The following SETD1A variants were observed in gnomAD, a reference collection of about 807,000 sequenced individuals.
SETD1A encodes the protein SET domain containing 1A, histone lysine methyltransferase, also known as histone-lysine N-methyltransferase SETD1A.
SETD1A carries 29 observed loss-of-function variants against 149.9 expected under a neutral mutation model. The ratio of observed to expected loss-of-function variants is 0.19; its 90% CI spans 0.14 to 0.26. The LOEUF (loss-of-function observed/expected upper bound fraction) is 0.26, where lower values mean the gene tolerates loss of function less well. Ranked by LOEUF, SETD1A falls within the 10% of genes least tolerant of loss-of-function variation. The pLI is 1.00. For missense variants in SETD1A, 2,109 were observed against 2,353.1 expected (o/e 0.90, Z 2.15); for synonymous variants, 1,141 against 968.5 (o/e 1.18, Z -3.31).
At chr16:30,958,916 G>A in intron 2 of SETD1A, 35 bp downstream of exon 2, 1 of 1,611,752 alleles carries the variant, frequency 6.2e-7, no homozygotes, top group Non-Finnish European at 8.5e-7. Flanking sequence ...CATCCGGGGA[G>A]CTCCAGGCGC....
Position 30,965,131 on chromosome 16 carries a change from C to A in SETD1A, c.1389C>A (p.Ala463=), listed in dbSNP as rs760758536. The change falls in exon 7 of 19, where the codon GCC becomes GCA. Residue 463 remains alanine, a synonymous_variant. Transcript: ENST00000262519. ...REEVRTSPRP[A]SPARSGSPAP... is the part of the protein sequence containing the mutation. ...AAGTTCGGACTTCCCCCCGCCCAGC[C>A]TCCCCTGCCCGCTCTGGCTCCCCAG... is the stretch of plus-strand genomic sequence containing the variant. The A allele has an allele frequency of 6.2e-7, 1 of 1,612,778 alleles. No homozygotes were observed. Among genetic ancestry groups the A allele is most frequent in the Non-Finnish European group, 8.5e-7 (1 of 1,179,934 alleles).
intron 9 of SETD1A, 134 bp downstream of exon 9, chr16:30,967,194 C>T (rs935122681): frequency 7.1e-6 from 5 of 706,310 alleles, no homozygotes; most frequent in African/African-American, 1.8e-5. Flanking sequence ...TACTCTGTTG[C>T]CCAGGCTGGA....
Position 30,969,641 on chromosome 16 carries a change from C to T in SETD1A, c.2968C>T (p.Arg990Ter), listed in dbSNP as rs61744449. The change falls in exon 12 of 19, where the codon CGA becomes TGA. Residue 990 changes from arginine to a stop codon, truncating the protein, a stop_gained. Transcript: ENST00000262519. LOFTEE classifies it high-confidence loss of function. ...CGAGGAAGATGAGGAAGATGAAGAT[C>T]GAGAGGAAGCTGTGGATACCACAAA... ...DDEEDEEDED[R>*]EEAVDTTKKE... is the part of the protein sequence containing the mutation. 6.2e-7 allele frequency: 1 copy of T among 1,614,066 alleles called. No individual in the cohort carries two copies. The highest frequency in any genetic ancestry group is 8.5e-7 in the Non-Finnish European group (1 of 1,179,996).
chr16:30,981,047 C>G lies in SETD1A; in HGVS notation c.4693-14C>G. ...GGAGGTGTCTGGCAGTTGAGTCTCC[C>G]TTCTGCCCCCCAGTTCCGGAAGAAG... On this transcript the variant is annotated splice_polypyrimidine_tract_variant and intron_variant, in intron 16 of 18. Transcript: ENST00000262519. 6.2e-7 allele frequency: 1 copy of G among 1,613,908 alleles called. No homozygotes were observed. Among genetic ancestry groups the G allele is most frequent in the Non-Finnish European group, 8.5e-7 (1 of 1,179,854 alleles).
Position 30,980,663 on chromosome 16 carries a change from C to T in SETD1A, c.4581+6C>T. On this transcript the variant is annotated splice_donor_region_variant and intron_variant, in intron 15 of 18. Coordinates refer to ENST00000262519, the MANE Select transcript of SETD1A (RefSeq NM_014712.3). The surrounding 1 kb of genome is among the most constrained non-coding windows in gnomAD (Gnocchi z 7.7). Reference sequence around the variant, plus strand: ...TGGAGGGCGTGGACACTCAGGTGGGCCTAACCCCGCCGCCGCGTCCTCCTG... The same window carrying T: ...TGGAGGGCGTGGACACTCAGGTGGGTCTAACCCCGCCGCCGCGTCCTCCTG... 6.2e-7 allele frequency: 1 copy of T among 1,610,580 alleles called. No homozygotes were observed. Among genetic ancestry groups the T allele is most frequent in the Non-Finnish European group, 8.5e-7 (1 of 1,179,106 alleles).
At chr16:30,959,220 C>G (rs1278648566) in intron 3 of SETD1A, 34 bp downstream of exon 3, 3 of 1,364,322 alleles carry the variant, frequency 2.2e-6, no homozygotes, top group Admixed American at 1.7e-5. Context: ...TGTGGTAGTC[C>G]TAAGAGGGTG....
At chr16:30,981,204 C>T (rs761231708) in intron 17 of SETD1A, 24 bp downstream of exon 17, 5 of 1,613,028 alleles carry the variant, frequency 3.1e-6, no homozygotes, top group Admixed American at 1.7e-5. Flanking sequence ...CCCAGCCCCG[C>T]CCCGGCTTCT....
intron 13 of SETD1A, 63 bp from the exon 14 acceptor site, chr16:30,979,082 G>A (rs1469310599): frequency 6.8e-6 from 10 of 1,463,092 alleles, no homozygotes; most frequent in East Asian, 2.5e-5. Flanking sequence ...GGTCATGGGC[G>A]GCCAGGGTGG....
In SETD1A at chr16:30,969,628, G is replaced by A. The variant is rs1257608466; in HGVS notation, c.2955G>A (p.Glu985=). ...ATGAGGAGGATGACGAGGAAGATGAGGAAGATGAAGATCGAGAGGAAGCTG... is the reference window on the plus strand; with the variant it reads ...ATGAGGAGGATGACGAGGAAGATGAAGAAGATGAAGATCGAGAGGAAGCTG... ...EKDEEDDEED[E]EDEDREEAVD... Residue 985 remains glutamate, a synonymous_variant, in exon 12 of 19, where the codon GAG becomes GAA. Transcript: ENST00000262519. The A allele has an allele frequency of 1.9e-6, 3 of 1,614,088 alleles. No homozygotes were observed. Among genetic ancestry groups the A allele is most frequent in the South Asian group, 1.1e-5 (1 of 91,086 alleles).
chr16:30,965,438 C>T lies in SETD1A; in HGVS notation c.1696C>T (p.Pro566Ser), dbSNP rs2056127137. 6.3e-7 allele frequency: 1 copy of T among 1,599,814 alleles called. No homozygotes were observed. Among genetic ancestry groups the T allele is most frequent in the Non-Finnish European group, 8.5e-7 (1 of 1,169,700 alleles). Residue 566 changes from proline to serine, a missense_variant, in exon 7 of 19, where the codon CCC (proline) becomes TCC (serine). Physicochemically the swap from Pro to Ser is moderately conservative, Grantham distance 74. Coordinates refer to ENST00000262519, the MANE Select transcript of SETD1A (RefSeq NM_014712.3). Reference sequence around the variant, plus strand: ...GGAGCCAGGGGCTACCCGGGAGTCTCCCAAGGCAAATGGACAGAACCAGGT... The same window carrying T: ...GGAGCCAGGGGCTACCCGGGAGTCTTCCAAGGCAAATGGACAGAACCAGGT... ...SGEPGATRES[P>S]KANGQNQASP...
At position 30,959,093 on chromosome 16, in the gene SETD1A, C is replaced by T. The variant is rs752562854; in HGVS notation, c.153C>T (p.Asp51=). The change falls in exon 3 of 19, where the codon GAC becomes GAT. Residue 51 remains aspartate, a splice_region_variant and synonymous_variant. Transcript: ENST00000262519. Reference sequence around the variant, plus strand: ...TCTGCTGCTGCTTTCCTTCCTAGGACTCAAAGTATATACCAGTCGAAGACC... The same window carrying T: ...TCTGCTGCTGCTTTCCTTCCTAGGATTCAAAGTATATACCAGTCGAAGACC... The part of the protein sequence containing the change: ...RYDGVHFSVN[D]SKYIPVEDLQ... 3 of 1,610,438 alleles carry T rather than the reference C, an allele frequency of 1.9e-6. No homozygotes were observed. The Admixed American group carries it at 5.0e-5, about 27-fold the overall frequency.
chr16:30,963,100 TC>T (rs2056076368), intron 4 of SETD1A, among the ~76,000 whole-genome samples: 1 of 152,200 alleles, frequency 6.6e-6, no homozygotes, highest in South Asian at 2.1e-4. Flanking sequence ...TTCCAATTTT[TC>T]CAATGACCAA....
chr16:30,960,207 C>T (rs936588431), intron 3 of SETD1A, among the ~76,000 whole-genome samples: 1 of 152,180 alleles, frequency 6.6e-6, no homozygotes, highest in Admixed American at 6.5e-5. Flanking sequence ...TCATTTGTCT[C>T]TTTGGCTTCA....
In SETD1A at chr16:30,984,157, G is replaced by C; in HGVS notation, c.*134G>C. ...CCAAGCGTGGGGTTGGGGGCCCCAA[G>C]CCCAGCGAGGGAGCCTCAGTCCCTG... On this transcript the variant is annotated 3_prime_UTR_variant, in exon 19 of 19. Coordinates refer to ENST00000262519, the MANE Select transcript of SETD1A (RefSeq NM_014712.3). 1.3e-6 allele frequency: 1 copy of C among 751,506 alleles called. No homozygotes were observed. Among genetic ancestry groups the C allele is most frequent in the Non-Finnish European group, 2.1e-6 (1 of 480,008 alleles). The allele number at this position is 751,506 out of a possible 1,614,324, so 46.6% of individuals were successfully genotyped here.
Position 30,964,936 on chromosome 16 carries a change from T to C in SETD1A, c.1194T>C (p.Ala398=). 1.9e-6 allele frequency: 3 copies of C among 1,614,022 alleles called. No homozygotes were observed. The highest frequency in any genetic ancestry group is 1.7e-6 in the Non-Finnish European group (2 of 1,179,872). ...TREEPPGAPF[A]ENTAERFPPS... ...AGGAACCCCCTGGAGCCCCTTTTGC[T>C]GAAAATACAGCTGAGCGCTTCCCAC... The change falls in exon 7 of 19, where the codon GCT becomes GCC. Residue 398 remains alanine, a synonymous_variant. Transcript: ENST00000262519.
Position 30,984,246 on chromosome 16 carries a change from G to A in SETD1A, c.*223G>A, listed in dbSNP as rs1465588735. ...CCCCCTGATTGTTTTTCTTTGCGGA[G>A]AAGAAGCTGTAAATGTTTTGTAGCA... On this transcript the variant is annotated 3_prime_UTR_variant, in exon 19 of 19. Transcript: ENST00000262519. 1 of 563,180 alleles carries A rather than the reference G, an allele frequency of 1.8e-6. No individual in the cohort carries two copies. Among genetic ancestry groups the A allele is most frequent in the Admixed American group, 3.3e-5 (1 of 30,606 alleles). The allele number at this position is 563,180 out of a possible 1,614,324, so 34.9% of individuals were successfully genotyped here.
chr16:30,984,230 T>G lies in SETD1A; in HGVS notation c.*207T>G. On this transcript the variant is annotated 3_prime_UTR_variant, in exon 19 of 19. Coordinates refer to ENST00000262519, the MANE Select transcript of SETD1A (RefSeq NM_014712.3). Reference sequence around the variant, plus strand: ...TCACCCCTGCCCACCACCCCCTGATTGTTTTTCTTTGCGGAGAAGAAGCTG... The same window carrying G: ...TCACCCCTGCCCACCACCCCCTGATGGTTTTTCTTTGCGGAGAAGAAGCTG... 1 of 571,562 alleles carries G rather than the reference T, an allele frequency of 1.7e-6. No homozygotes were observed. The highest frequency in any genetic ancestry group is 3.1e-6 in the Non-Finnish European group (1 of 321,410). 35.4% of individuals were successfully genotyped at this position (571,562 alleles called of 1,614,324 possible).
Position 30,965,919 on chromosome 16 carries a change from T to A in SETD1A, c.2038T>A (p.Phe680Ile), listed in dbSNP as rs1286354194. The A allele has an allele frequency of 6.2e-7, 1 of 1,612,266 alleles. No homozygotes were observed. Reference sequence around the variant, plus strand: ...TCAGTGGGGAGGGATGCCCATGTCCTTCCAGATGCAGACCCAGATGTTAAC... The same window carrying A: ...TCAGTGGGGAGGGATGCCCATGTCCATCCAGATGCAGACCCAGATGTTAAC... ...GAQWGGMPMS[F>I]QMQTQMLTRL... is the part of the protein sequence containing the mutation. The change falls in exon 8 of 19, where the codon TTC (phenylalanine) becomes ATC (isoleucine). Residue 680 changes from phenylalanine (F) to isoleucine (I), a missense_variant. By Grantham distance (21) the Phe-to-Ile change is conservative (BLOSUM62 0). Around this residue, in one of 8 missense-constraint regions of SETD1A, gnomAD observed 431 missense variants for 388.6 expected, o/e 1.11. Transcript: ENST00000262519.
intron 3 of SETD1A, among the ~76,000 whole-genome samples, chr16:30,960,574 T>C (rs2056037410): frequency 6.6e-6 from 1 of 152,200 alleles, no homozygotes; most frequent in African/African-American, 2.4e-5. Context: ...GTCATGCTGC[T>C]TTTCTGTATG....
Sources: allele counts gnomAD v4.1 joint callset (sites outside exome capture counted in the v4.1 genomes callset), GRCh38; gene constraint gnomAD v4.1.1; regional missense constraint gnomAD v4.1.1; non-coding constraint Gnocchi (gnomAD v3.1); transcripts MANE v1.5; gene names NCBI Gene and HGNC (gene_info 2026-07-23, HGNC 2026-07-21).